TMEM74: variants seen among roughly 807,000 people sequenced by gnomAD.
The protein encoded by TMEM74 is transmembrane protein 74.
A neutral mutation model predicts 18.1 loss-of-function variants in TMEM74; 13 were observed. The ratio of observed to expected loss-of-function variants is 0.72; its 90% confidence interval spans 0.47 to 1.14. The LOEUF is 1.14. Among genes scored for constraint, TMEM74 ranks in the 50% most tolerant of loss-of-function variants. The pLI, the probability that TMEM74 is intolerant of heterozygous loss-of-function variation, is 0.00. For missense variants in TMEM74, 372 were observed against 375.9 expected (o/e 0.99, Z 0.09); for synonymous variants, 159 against 146.6 (o/e 1.08, Z -0.61).
intron 1 of TMEM74, among the ~76,000 whole-genome samples, chr8:108,679,145 T>C (rs183317924): frequency 0.029 from 4,441 of 152,140 alleles, 120 homozygotes; most frequent in African/African-American, 0.065. Flanking sequence ...TCCAGTCTAT[T>C]GTTGTTGGAC....
chr8:108,687,894 A>G (rs1191965208), intron 1 of TMEM74, among the ~76,000 whole-genome samples: 1 of 152,054 alleles, frequency 6.6e-6, no homozygotes, highest in Non-Finnish European at 1.5e-5. Context: ...CAGGCCACGT[A>G]CAGGTACCCG....
At chr8:108,640,169 A>G (rs1009481363) in intron 2 of TMEM74, among the ~76,000 whole-genome samples, 14 of 116,630 alleles carry the variant, frequency 1.2e-4, no homozygotes, top group African/African-American at 3.5e-5. Context: ...GTCTTGCTCT[A>G]TCGCCCAGGC....
intron 1 of TMEM74, among the ~76,000 whole-genome samples, chr8:108,768,844 GGGTAATTCC>G (rs1814139629): frequency 6.6e-6 from 1 of 152,152 alleles, no homozygotes. Flanking sequence ...CTCAGTAGAA[GGGTAATTCC>G]AAGGGGCATG....
chr8:108,625,139 G>A (rs568570199), intron 2 of TMEM74, among the ~76,000 whole-genome samples: 1 of 151,960 alleles, frequency 6.6e-6, no homozygotes, highest in South Asian at 2.1e-4. Context: ...GGCAGCAAGT[G>A]GTGGGAGACT....
intron 1 of TMEM74, among the ~76,000 whole-genome samples, chr8:108,710,214 C>A (rs3019343): frequency 0.38 from 57,333 of 152,126 alleles, 11,146 homozygotes; most frequent in East Asian, 0.6. Context: ...TATATTCTTA[C>A]ATGTTTTTTC....
intron 1 of TMEM74, among the ~76,000 whole-genome samples, chr8:108,693,782 A>G (rs766464123): frequency 6.6e-6 from 1 of 152,224 alleles, no homozygotes; most frequent in African/African-American, 2.4e-5. Context: ...GCAGGCATGC[A>G]GCAAAATAGC....
chr8:108,762,784 C>T (rs754437278), intron 1 of TMEM74, among the ~76,000 whole-genome samples: 7 of 152,068 alleles, frequency 4.6e-5, no homozygotes, highest in Non-Finnish European at 8.8e-5. Context: ...ATAATCTCTG[C>T]TACTCAGGAG....
At chr8:108,612,873 T>A (rs1010795125) in intron 2 of TMEM74, among the ~76,000 whole-genome samples, 1 of 152,202 alleles carries the variant, frequency 6.6e-6, no homozygotes, top group African/African-American at 2.4e-5. Flanking sequence ...TTGACATGAT[T>A]ATTTGAATTA....
intron 1 of TMEM74, among the ~76,000 whole-genome samples, chr8:108,682,520 A>G (rs1356518712): frequency 1.3e-5 from 2 of 152,076 alleles, no homozygotes; most frequent in African/African-American, 4.8e-5. Context: ...GGTAGCAACC[A>G]TGTTTATTTG....
intron 1 of TMEM74, among the ~76,000 whole-genome samples, chr8:108,785,414 C>T (rs1156328860): frequency 3.3e-5 from 5 of 152,066 alleles, no homozygotes; most frequent in African/African-American, 1.2e-4. Context: ...AGAATACTGC[C>T]GTCACCAAGC....
At chr8:108,672,099 T>C (rs1261686373) in intron 1 of TMEM74, among the ~76,000 whole-genome samples, 2 of 152,176 alleles carry the variant, frequency 1.3e-5, no homozygotes, top group African/African-American at 4.8e-5. Flanking sequence ...CTCATGAATT[T>C]GGAGCGGGCA....
chr8:108,756,961 A>G (rs1340953060), intron 1 of TMEM74, among the ~76,000 whole-genome samples: 1 of 152,098 alleles, frequency 6.6e-6, no homozygotes, highest in Non-Finnish European at 1.5e-5. Context: ...TAATAGCATA[A>G]CTTCTGATGT....
intron 1 of TMEM74, among the ~76,000 whole-genome samples, chr8:108,672,550 G>A (rs111439311): frequency 4.6e-5 from 7 of 152,262 alleles, no homozygotes; most frequent in Admixed American, 6.5e-5. Flanking sequence ...GTCAGTCCCC[G>A]GCCTGGGCCA....
chr8:108,651,663 G>T (rs1160383666), intron 2 of TMEM74, among the ~76,000 whole-genome samples: 1 of 152,116 alleles, frequency 6.6e-6, no homozygotes, highest in Non-Finnish European at 1.5e-5. Flanking sequence ...TGAGGTGTGT[G>T]TGTGTATGTG....
At chr8:108,724,827 G>A (rs904898665) in intron 1 of TMEM74, among the ~76,000 whole-genome samples, 15 of 152,090 alleles carry the variant, frequency 9.9e-5, no homozygotes, top group Admixed American at 3.3e-4. Context: ...TAGCTTCTGC[G>A]TCAGTCTCCA....
chr8:108,787,275 C>G (rs535893888), intron 1 of TMEM74, among the ~76,000 whole-genome samples: 1 of 152,270 alleles, frequency 6.6e-6, no homozygotes, highest in South Asian at 2.1e-4. Context: ...GGCAGCGGTG[C>G]CCCCAGCAGG....
intron 1 of TMEM74, among the ~76,000 whole-genome samples, chr8:108,716,794 C>A (rs1001064531): frequency 2.0e-5 from 3 of 148,820 alleles, no homozygotes; most frequent in Admixed American, 6.7e-5. Flanking sequence ...TAAAAAAAAA[C>A]AAAAAATACA....
At chr8:108,743,477 A>G (rs1563540244) in intron 1 of TMEM74, among the ~76,000 whole-genome samples, 1 of 152,232 alleles carries the variant, frequency 6.6e-6, no homozygotes, top group Non-Finnish European at 1.5e-5. Flanking sequence ...TTAGAAAAAA[A>G]TAGCATCACT....
intron 2 of TMEM74, among the ~76,000 whole-genome samples, chr8:108,635,460 C>T (rs1300144602): frequency 6.6e-6 from 1 of 152,034 alleles, no homozygotes. Flanking sequence ...GAAGTAGGAT[C>T]CAGCATCTCT....
Sources: gnomAD v4.1 joint callset for allele counts (sites outside exome capture counted in the v4.1 genomes callset) on GRCh38, gnomAD v4.1.1 for gene constraint, MANE v1.5 for transcripts, NCBI Gene and HGNC (gene_info 2026-07-23, HGNC 2026-07-21) for gene names.